The following CNTNAP5 variants were observed in gnomAD, a reference collection of about 807,000 sequenced individuals.
CNTNAP5 encodes the protein contactin-associated protein-like 5.
In CNTNAP5, 72 loss-of-function variants were observed where a neutral mutation model predicts 150.2. The observed-to-expected ratio is 0.48, with a 90% confidence interval of 0.40 to 0.58. The LOEUF (loss-of-function observed/expected upper bound fraction) is 0.58. CNTNAP5 is among the 20% of genes least tolerant of loss of function. CNTNAP5 has a pLI of 0.00. For missense variants in CNTNAP5, 1,636 were observed against 1,626.2 expected (o/e 1.01, Z -0.10); for synonymous variants, 672 against 619.8 (o/e 1.08, Z -1.25).
intron 1 of CNTNAP5, among the ~76,000 whole-genome samples, chr2:124,212,434 G>T (rs1305907796): frequency 2.6e-5 from 4 of 152,108 alleles, no homozygotes; most frequent in African/African-American, 9.7e-5. Flanking sequence ...TTTTTTCAAA[G>T]ATTTGTGTTT....
intron 1 of CNTNAP5, among the ~76,000 whole-genome samples, chr2:124,062,348 G>A (rs947420679): frequency 2.0e-5 from 3 of 152,064 alleles, no homozygotes; most frequent in Non-Finnish European, 4.4e-5. Context: ...GGCTCAGAAT[G>A]CTCTTCTTTA....
Position 124,135,514 on chromosome 2 carries a change from A to T in CNTNAP5, c.83-86191A>T, listed in dbSNP as rs139873880. On this transcript the variant is annotated intron_variant, in intron 1 of 23. Transcript: ENST00000682447. ...GGGCTTCAAGAAAGACTAGGAAAAA[A>T]AAATTAGAAAAGGAACAGGCAACTC... 3.3e-4 allele frequency among the ~76,000 whole-genome samples: 50 copies of T among 152,338 alleles called. No homozygotes were observed. The East Asian group carries it at 9.3e-3, about 28-fold the overall frequency.
At chr2:124,301,140 A>G (rs1428677462) in intron 3 of CNTNAP5, among the ~76,000 whole-genome samples, 1 of 152,164 alleles carries the variant, frequency 6.6e-6, no homozygotes, top group Non-Finnish European at 1.5e-5. Context: ...TTGATCTGTA[A>G]TTGCTAGTAC....
chr2:124,201,269 G>C (rs1685720829), intron 1 of CNTNAP5, among the ~76,000 whole-genome samples: 1 of 152,150 alleles, frequency 6.6e-6, no homozygotes, highest in African/African-American at 2.4e-5. Flanking sequence ...TAGCCAAAAA[G>C]GGAGAGAATA....
At chr2:124,153,948 AT>A (rs1269000716) in intron 1 of CNTNAP5, among the ~76,000 whole-genome samples, 2 of 151,784 alleles carry the variant, frequency 1.3e-5, no homozygotes, top group South Asian at 2.1e-4. Flanking sequence ...TAGGACATTA[AT>A]CCTATTTCTG....
chr2:124,334,002 C>T (rs1004502332), intron 3 of CNTNAP5, among the ~76,000 whole-genome samples: 5 of 152,026 alleles, frequency 3.3e-5, no homozygotes, highest in African/African-American at 1.2e-4. Context: ...TACAAAGTAG[C>T]CCTTGGTACT....
chr2:124,443,693 TA>T (rs934558621), intron 5 of CNTNAP5, among the ~76,000 whole-genome samples: 22 of 152,130 alleles, frequency 1.4e-4, no homozygotes, highest in African/African-American at 5.3e-4. Context: ...ATAGGGTGAT[TA>T]AAATATTTTA....
chr2:124,050,876 GA>G (rs1203790429), intron 1 of CNTNAP5, among the ~76,000 whole-genome samples: 1 of 152,158 alleles, frequency 6.6e-6, no homozygotes, highest in Non-Finnish European at 1.5e-5. Flanking sequence ...TTATAGTAGG[GA>G]CCAGCCCAGA....
chr2:124,278,169 A>G lies in CNTNAP5; in HGVS notation c.381+35776A>G, dbSNP rs113653287. Among the ~76,000 whole-genome samples the G allele has an allele frequency of 4.0e-3, 608 of 152,298 alleles. 2 individuals carry two copies. The highest frequency in any genetic ancestry group is 0.013 in the African/African-American group (523 of 41,568). On this transcript the variant is annotated intron_variant, in intron 3 of 23. Transcript: ENST00000682447. ...TAAGCTCATTGGAGTTGCACAAAAA[A>G]TCCAAGATCATCAAGGCAATGGACC...
intron 13 of CNTNAP5, among the ~76,000 whole-genome samples, chr2:124,744,172 A>C (rs760989661): frequency 3.9e-5 from 6 of 152,048 alleles, no homozygotes; most frequent in Non-Finnish European, 7.4e-5. Flanking sequence ...GGTGGGAGAT[A>C]ATTGAATCAT....
chr2:124,824,471 A>G (rs1682553006), intron 19 of CNTNAP5, among the ~76,000 whole-genome samples: 1 of 152,152 alleles, frequency 6.6e-6, no homozygotes, highest in African/African-American at 2.4e-5. Context: ...CATCGTGTCC[A>G]TGGAAAGGGG....
intron 3 of CNTNAP5, among the ~76,000 whole-genome samples, chr2:124,350,684 A>T (rs1234440389): frequency 6.6e-6 from 1 of 152,140 alleles, no homozygotes; most frequent in Non-Finnish European, 1.5e-5. Flanking sequence ...TATTTTATCT[A>T]TAATTTCTAA....
intron 3 of CNTNAP5, among the ~76,000 whole-genome samples, chr2:124,271,077 C>G (rs1434463337): frequency 6.6e-6 from 1 of 151,968 alleles, no homozygotes; most frequent in Non-Finnish European, 1.5e-5. Context: ...TGAGCAATCT[C>G]CTACTGTGCT....
At chr2:124,882,303 CG>C (rs1424516951) in intron 21 of CNTNAP5, among the ~76,000 whole-genome samples, 1 of 152,118 alleles carries the variant, frequency 6.6e-6, no homozygotes, top group Non-Finnish European at 1.5e-5. Flanking sequence ...GAGTCTCTGC[CG>C]GGGTGCAGCA....
rs1686324422 is a variant in CNTNAP5 at position 124,221,766 on chromosome 2, C to A, written c.144C>A (p.Asp48Glu). 1.2e-6 allele frequency: 2 copies of A among 1,611,544 alleles called. No homozygotes were observed. Among genetic ancestry groups the A allele is most frequent in the Non-Finnish European group, 8.5e-7 (1 of 1,178,714 alleles). ...LSPMAFSSSS[D>E]LTGTHSPAQL... ...CAATGGCTTTTTCCAGTTCCTCAGACCTCACTGGCACTCACAGCCCAGCTC... is the reference window on the plus strand; with the variant it reads ...CAATGGCTTTTTCCAGTTCCTCAGAACTCACTGGCACTCACAGCCCAGCTC... Residue 48 changes from aspartate (D) to glutamate (E), a missense_variant, in exon 2 of 24, where the codon GAC becomes GAA. Coordinates refer to ENST00000682447, the MANE Select transcript of CNTNAP5 (RefSeq NM_001367498.1).
chr2:124,799,629 T>A (rs936892089), intron 19 of CNTNAP5, among the ~76,000 whole-genome samples: 1 of 152,242 alleles, frequency 6.6e-6, no homozygotes, highest in Non-Finnish European at 1.5e-5. Flanking sequence ...CCAGGCCTTA[T>A]GAGGAAACTC....
intron 1 of CNTNAP5, among the ~76,000 whole-genome samples, chr2:124,056,378 A>C (rs1681845949): frequency 6.6e-6 from 1 of 152,162 alleles, no homozygotes; most frequent in Non-Finnish European, 1.5e-5. Context: ...TAATCCCAGC[A>C]CTTTGGGAGG....
In CNTNAP5 at chr2:124,147,123, G is replaced by C. The variant is rs577795404; in HGVS notation, c.83-74582G>C. Among the ~76,000 whole-genome samples the C allele has an allele frequency of 4.6e-5, 7 of 152,356 alleles. No individual in the cohort carries two copies. In the South Asian group the frequency reaches 1.0e-3, roughly 23 times the overall value. On this transcript the variant is annotated intron_variant, in intron 1 of 23. Transcript: ENST00000682447. ...GATACAGAGCTTGGAGAAAGACGGA[G>C]AGTTGCCATTTGAAGGAGATGATGA...
intron 1 of CNTNAP5, among the ~76,000 whole-genome samples, chr2:124,137,191 G>A (rs1186670214): frequency 2.6e-5 from 4 of 151,982 alleles, no homozygotes; most frequent in South Asian, 2.1e-4. Flanking sequence ...CCTGCTGTCC[G>A]TGTGTTAACA....
Sources: allele counts gnomAD v4.1 joint callset (sites outside exome capture counted in the v4.1 genomes callset), GRCh38; gene constraint gnomAD v4.1.1; transcripts MANE v1.5; gene names NCBI Gene and HGNC (gene_info 2026-07-23, HGNC 2026-07-21).